TMEM132B: variants seen among roughly 807,000 people sequenced by gnomAD.
TMEM132B encodes transmembrane protein 132B.
TMEM132B carries 18 observed loss-of-function variants against 90.8 expected under a neutral mutation model. That is an observed-to-expected ratio of 0.20 (90% CI 0.14 to 0.29). TMEM132B has a LOEUF of 0.29. TMEM132B is among the 10% of genes least tolerant of loss of function. TMEM132B has a pLI of 1.00. For synonymous variants in TMEM132B, 504 were observed against 523.3 expected, an observed-to-expected ratio of 0.96 and a Z score of 0.50; for missense variants, 1,096 against 1,326.8, an observed-to-expected ratio of 0.83 and a Z score of 2.70.
Position 125,460,140 on chromosome 12 carries a change from A to G in TMEM132B, c.1106+44463A>G, listed in dbSNP as rs1403755111. On this transcript the variant is annotated intron_variant, in intron 3 of 8. Transcript: ENST00000682704. This position sits in a 1 kb window ranked among gnomAD's most constrained non-coding sequence, Gnocchi z 4.4. ...ATGCATTGCATGCCTGTGTCAAAAC[A>G]TCTCATGTACTCCATAAACACATAT... is the stretch of plus-strand genomic sequence containing the variant. 6.6e-6 allele frequency among the ~76,000 whole-genome samples: 1 copy of G among 152,210 alleles called. No homozygotes were observed. The highest frequency in any genetic ancestry group is 1.5e-5 in the Non-Finnish European group (1 of 68,040).
chr12:125,565,666 G>A (rs1046213201), intron 4 of TMEM132B, among the ~76,000 whole-genome samples: 1 of 152,170 alleles, frequency 6.6e-6, no homozygotes, highest in Non-Finnish European at 1.5e-5. Context: ...CTGTCCAGTG[G>A]CCGATGTCCT....
intron 2 of TMEM132B, among the ~76,000 whole-genome samples, chr12:125,368,087 T>C (rs1878185647): frequency 6.6e-6 from 1 of 152,214 alleles, no homozygotes; most frequent in Non-Finnish European, 1.5e-5. Context: ...ATGTTATTTC[T>C]CTAGGTAAGT....
chr12:125,289,958 T>TCTTCA (rs2136145040), intron 1 of TMEM132B, among the ~76,000 whole-genome samples: 1 of 152,308 alleles, frequency 6.6e-6, no homozygotes, highest in South Asian at 2.1e-4. Context: ...ATCTGGGCGC[T>TCTTCA]CTTCAATCCC....
intron 1 of TMEM132B, among the ~76,000 whole-genome samples, chr12:125,244,001 T>TG (rs1164163164): frequency 1.3e-5 from 2 of 152,224 alleles, no homozygotes; most frequent in East Asian, 3.8e-4. Flanking sequence ...TTCTTGTCAA[T>TG]GGAATCACAC....
intron 1 of TMEM132B, among the ~76,000 whole-genome samples, chr12:125,270,808 A>T (rs1041716578): frequency 2.6e-5 from 4 of 152,062 alleles, no homozygotes; most frequent in Non-Finnish European, 5.9e-5. Context: ...TAGGAGGTGC[A>T]GTAGAGGTAC....
intron 3 of TMEM132B, among the ~76,000 whole-genome samples, chr12:125,420,415 C>T (rs1175132621): frequency 6.6e-6 from 1 of 152,232 alleles, no homozygotes; most frequent in Admixed American, 6.5e-5. Flanking sequence ...TTGGGGCTGG[C>T]ACCCTCTGAA....
intron 1 of TMEM132B, among the ~76,000 whole-genome samples, chr12:125,325,443 G>A (rs1422494460): frequency 1.3e-5 from 2 of 152,226 alleles, no homozygotes; most frequent in African/African-American, 4.8e-5. Context: ...TGACAATATC[G>A]GAGAAGTGAT....
At chr12:125,428,410 C>T (rs370852144) in intron 3 of TMEM132B, among the ~76,000 whole-genome samples, 29 of 152,196 alleles carry the variant, frequency 1.9e-4, no homozygotes, top group African/African-American at 6.7e-4. Flanking sequence ...TTTATTCATT[C>T]ATTTATTGTT....
intron 2 of TMEM132B, among the ~76,000 whole-genome samples, chr12:125,359,195 A>G (rs898176521): frequency 6.6e-6 from 1 of 152,238 alleles, no homozygotes; most frequent in Non-Finnish European, 1.5e-5. Flanking sequence ...TTTCCTGCAC[A>G]TAAGATAATA....
At chr12:125,201,784 C>A (rs751017954) in intron 1 of TMEM132B, among the ~76,000 whole-genome samples, 10 of 152,200 alleles carry the variant, frequency 6.6e-5, no homozygotes, top group Non-Finnish European at 1.0e-4. Context: ...CGTAGTTAAG[C>A]TTGACATCAC....
At chr12:125,528,589 C>T (rs1592976560) in intron 4 of TMEM132B, among the ~76,000 whole-genome samples, 1 of 152,206 alleles carries the variant, frequency 6.6e-6, no homozygotes, top group Non-Finnish European at 1.5e-5. Context: ...CCTCAACTCT[C>T]ATGCTGTCAT....
chr12:125,618,404 G>A (rs1232601840), intron 5 of TMEM132B, among the ~76,000 whole-genome samples: 1 of 152,180 alleles, frequency 6.6e-6, no homozygotes, highest in Admixed American at 6.5e-5. Flanking sequence ...GATGAGGAAT[G>A]TTGGTAGCCT....
chr12:125,373,486 A>G (rs1878367203), intron 2 of TMEM132B, among the ~76,000 whole-genome samples: 1 of 152,204 alleles, frequency 6.6e-6, no homozygotes, highest in African/African-American at 2.4e-5. Flanking sequence ...GAGGTCTCGG[A>G]AGAAACCAGC....
At chr12:125,192,083 A>C (rs1351440008) in intron 1 of TMEM132B, among the ~76,000 whole-genome samples, 4 of 152,256 alleles carry the variant, frequency 2.6e-5, no homozygotes, top group Non-Finnish European at 5.9e-5. Flanking sequence ...CCTCAGAATT[A>C]GTAGTAACAC....
At chr12:125,293,013 C>A (rs1327001960) in intron 1 of TMEM132B, among the ~76,000 whole-genome samples, 1 of 152,186 alleles carries the variant, frequency 6.6e-6, no homozygotes, top group African/African-American at 2.4e-5. Context: ...TTTAATTGAG[C>A]GAGGAGTTCT....
intron 5 of TMEM132B, chr12:125,587,154 G>A (rs1885196372): frequency 6.7e-6 from 1 of 149,366 alleles, no homozygotes; most frequent in Admixed American, 6.7e-5. Flanking sequence ...GATGGGAGGA[G>A]ACTGGGAGAC....
chr12:125,456,863 T>G (rs975012752), intron 3 of TMEM132B, among the ~76,000 whole-genome samples: 3 of 152,214 alleles, frequency 2.0e-5, no homozygotes, highest in Non-Finnish European at 2.9e-5. Flanking sequence ...TGTAGCAAAA[T>G]GTATGTTTTC....
intron 1 of TMEM132B, among the ~76,000 whole-genome samples, chr12:125,267,109 C>T (rs570690571): frequency 2.6e-5 from 4 of 152,184 alleles, no homozygotes; most frequent in South Asian, 2.1e-4. Flanking sequence ...GAGACCTCAA[C>T]GTGCAGTGGC....
Position 125,294,908 on chromosome 12 carries a change from G to T in TMEM132B, c.68-54544G>T, listed in dbSNP as rs76929082. Among the ~76,000 whole-genome samples the T allele has an allele frequency of 2.4e-3, 364 of 152,236 alleles. 4 individuals are homozygous for T. The East Asian group carries it at 0.027, about 11-fold the overall frequency. Reference sequence around the variant, plus strand: ...GTGGCAGAAAAAATGCAGAATGAAAGTGGTGTATACAATAAAATATCAACT... The same window carrying T: ...GTGGCAGAAAAAATGCAGAATGAAATTGGTGTATACAATAAAATATCAACT... On this transcript the variant is annotated intron_variant, in intron 1 of 8. Coordinates refer to ENST00000682704, the MANE Select transcript of TMEM132B (RefSeq NM_001366854.1).
Sources: allele counts gnomAD v4.1 joint callset (sites outside exome capture counted in the v4.1 genomes callset), GRCh38; gene constraint gnomAD v4.1.1; non-coding constraint Gnocchi (gnomAD v3.1); transcripts MANE v1.5; gene names NCBI Gene and HGNC (gene_info 2026-07-23, HGNC 2026-07-21).